Variants in MICALL1 observed in about 807,000 individuals in gnomAD.
MICALL1 encodes MICAL like 1.
In MICALL1, 61 loss-of-function variants were observed where a neutral mutation model predicts 83.7. The observed-to-expected ratio is 0.73, with a 90% confidence interval of 0.59 to 0.90. The LOEUF (loss-of-function observed/expected upper bound fraction) is 0.90, where lower values mean the gene tolerates loss of function less well. MICALL1 is among the 40% of genes least tolerant of loss of function. MICALL1 has a pLI of 0.00. For missense variants in MICALL1, 1,066 were observed against 1,152.0 expected (o/e 0.93, Z 1.08); for synonymous variants, 481 against 473.6 (o/e 1.02, Z -0.20).
At chr22:37,925,291 G>A (rs1929350282) in intron 7 of MICALL1, among the ~76,000 whole-genome samples, 2 of 152,152 alleles carry the variant, frequency 1.3e-5, no homozygotes, top group Admixed American at 1.3e-4. Context: ...ATAGCTCACT[G>A]CATCCTTACA....
At chr22:37,917,397 G>A (rs1390255287) in intron 3 of MICALL1, among the ~76,000 whole-genome samples, 1 of 152,198 alleles carries the variant, frequency 6.6e-6, no homozygotes, top group Non-Finnish European at 1.5e-5. Context: ...AGCTGCTGGT[G>A]TAGCCACACG....
Position 37,925,817 on chromosome 22 carries a change from G to T in MICALL1, c.1239G>T (p.Pro413=), listed in dbSNP as rs760462241. The change falls in exon 8 of 16, where the codon CCG becomes CCT. Residue 413 remains proline, a synonymous_variant. Coordinates refer to ENST00000215957, the MANE Select transcript of MICALL1 (RefSeq NM_033386.4). ...ENGGTEEVAQ[P]SPTASLESKP... is the part of the protein sequence containing the mutation. The stretch of plus-strand genomic sequence containing the variant: ...GAGGCACCGAGGAGGTGGCCCAGCC[G>T]AGCCCAACGGCCAGCCTGGAGTCCA... 15 of 1,613,796 alleles carry T rather than the reference G, an allele frequency of 9.3e-6. No homozygotes were observed. Among genetic ancestry groups the T allele is most frequent in the Non-Finnish European group, 1.2e-5 (14 of 1,179,988 alleles).
Position 37,931,801 on chromosome 22 carries a change from C to G in MICALL1, c.1884C>G (p.Ser628=), listed in dbSNP as rs756210602. Residue 628 remains serine, a splice_region_variant and synonymous_variant, in exon 10 of 16, where the codon TCC becomes TCG. Transcript: ENST00000215957. ...GSSSPQLQVK[S]SCKENPFNRK... Reference sequence around the variant, plus strand: ...CTGTCATGTCTCCTTCCCTTTAGTCCTCCTGCAAGGAGAATCCTTTTAACC... The same window carrying G: ...CTGTCATGTCTCCTTCCCTTTAGTCGTCCTGCAAGGAGAATCCTTTTAACC... 1 of 1,614,086 alleles carries G rather than the reference C, an allele frequency of 6.2e-7. No homozygotes were observed. The highest frequency in any genetic ancestry group is 8.5e-7 in the Non-Finnish European group (1 of 1,180,010).
rs1929550638 is a variant in MICALL1, at chr22:37,927,696, G to C, written c.1751G>C (p.Arg584Thr). The change falls in exon 9 of 16, where the codon AGG (arginine) becomes ACG (threonine). Residue 584 changes from arginine to threonine, a missense_variant. By Grantham distance (71) the Arg-to-Thr change is moderately conservative (BLOSUM62 -1). Coordinates refer to ENST00000215957, the MANE Select transcript of MICALL1 (RefSeq NM_033386.4). ...MPQASPGLAP[R>T]TRGSSGPQPA... is the part of the protein sequence containing the mutation. ...CAAGCCAGCCCTGGCCTTGCCCCCA[G>C]GACCAGGGGCAGCTCAGGTCCCCAG... 1.2e-6 allele frequency: 2 copies of C among 1,614,114 alleles called. No individual in the cohort carries two copies. Among genetic ancestry groups the C allele is most frequent in the Non-Finnish European group, 1.7e-6 (2 of 1,180,024 alleles).
chr22:37,908,471 G>GT lies in MICALL1; in HGVS notation c.146+1906dup, dbSNP rs1402858250. ...ACACGCCACCACGCCTGTCTAATTT[G>GT]TTTGTATTTGTAGAGATGGGTTTTC... is the stretch of plus-strand genomic sequence containing the variant. On this transcript the variant is annotated intron_variant, in intron 1 of 15. Coordinates refer to ENST00000215957, the MANE Select transcript of MICALL1 (RefSeq NM_033386.4). Among the ~76,000 whole-genome samples, 11 of 151,790 alleles carry GT rather than the reference G, an allele frequency of 7.2e-5. No homozygotes were observed. The East Asian group carries it at 2.1e-3, about 29-fold the overall frequency.
intron 8 of MICALL1, 96 bp from the exon 9 acceptor site, chr22:37,927,315 G>A: frequency 7.3e-7 from 1 of 1,362,884 alleles, no homozygotes; most frequent in Non-Finnish European, 9.7e-7. Context: ...GGTTTCTGGG[G>A]CTGCCTGCGG....
chr22:37,924,458 G>A lies in MICALL1; in HGVS notation c.1025-202G>A, dbSNP rs1434086896. 2.6e-5 allele frequency among the ~76,000 whole-genome samples: 4 copies of A among 152,288 alleles called. No individual in the cohort carries two copies. Among genetic ancestry groups the A allele is most frequent in the Admixed American group, 2.0e-4 (3 of 15,302 alleles). On this transcript the variant is annotated intron_variant, in intron 6 of 15. Coordinates refer to ENST00000215957, the MANE Select transcript of MICALL1 (RefSeq NM_033386.4). This position sits in a 1 kb window ranked among gnomAD's most constrained non-coding sequence, Gnocchi z 5.2. Reference sequence around the variant, plus strand: ...TCTTCTCAAATGAAATGCAAACGGGGTCTCAGGTGGCCTGGCCTTGACCCC... The same window carrying A: ...TCTTCTCAAATGAAATGCAAACGGGATCTCAGGTGGCCTGGCCTTGACCCC...
chr22:37,937,652 G>C, intron 14 of MICALL1, 94 bp from the exon 15 acceptor site: 3 of 1,315,652 alleles, frequency 2.3e-6, no homozygotes, highest in African/African-American at 2.9e-5. Flanking sequence ...TCGAACTCCT[G>C]ACTTCAGGTG....
At chr22:37,914,128 G>A (rs1004819516) in intron 3 of MICALL1, among the ~76,000 whole-genome samples, 4 of 151,016 alleles carry the variant, frequency 2.6e-5, no homozygotes, top group Admixed American at 6.6e-5. Flanking sequence ...CACCTGCCTC[G>A]GCCTCCCAAA....
chr22:37,937,487 A>G (rs1225960106), intron 14 of MICALL1, among the ~76,000 whole-genome samples: 1 of 145,426 alleles, frequency 6.9e-6, no homozygotes, highest in Non-Finnish European at 1.5e-5. Context: ...GCAATGGCAT[A>G]ACCTCGGCTC....
At position 37,917,019 on chromosome 22, in the gene MICALL1, G is replaced by T. The variant is rs1276384563; in HGVS notation, c.338-688G>T. ...GCTGAGTGGCTGTGATTATAGGCGCGCACCACCATGTCCAGCTGATTTTTG... is the reference window on the plus strand; with the variant it reads ...GCTGAGTGGCTGTGATTATAGGCGCTCACCACCATGTCCAGCTGATTTTTG... On this transcript the variant is annotated intron_variant, in intron 3 of 15. Transcript: ENST00000215957. 2.6e-5 allele frequency among the ~76,000 whole-genome samples: 4 copies of T among 152,022 alleles called. No individual in the cohort carries two copies. In the East Asian group the frequency reaches 7.7e-4, roughly 29 times the overall value.
chr22:37,937,610 G>A (rs1483174859), intron 14 of MICALL1, 136 bp from the exon 15 acceptor site: 2 of 784,890 alleles, frequency 2.5e-6, no homozygotes, highest in African/African-American at 1.7e-5. Context: ...TTTTAGTAGA[G>A]ATGGGGTTTC....
In MICALL1 at chr22:37,906,483, G is replaced by A; in HGVS notation, c.61G>A (p.Gly21Ser). 1 of 1,251,768 alleles carries A rather than the reference G, an allele frequency of 8.0e-7. No individual in the cohort carries two copies. Among genetic ancestry groups the A allele is most frequent in the Non-Finnish European group, 1.0e-6 (1 of 987,160 alleles). 77.5% of individuals were successfully genotyped at this position (1,251,768 alleles called of 1,614,324 possible). The change falls in exon 1 of 16, where the codon GGC (glycine) becomes AGC (serine). Residue 21 changes from glycine to serine, a missense_variant. Coordinates refer to ENST00000215957, the MANE Select transcript of MICALL1 (RefSeq NM_033386.4). The surrounding 1 kb of genome is among the most constrained non-coding windows in gnomAD (Gnocchi z 4.4). ...WCRRQCEGYR[G>S]VEIRDLSSSF... ...CCGCCGCCAGTGCGAGGGCTACCGC[G>A]GCGTGGAGATCCGCGACCTGAGCAG... is the stretch of plus-strand genomic sequence containing the variant.
At chr22:37,926,109 G>C in intron 8 of MICALL1, 66 bp downstream of exon 8, 3 of 1,490,164 alleles carry the variant, frequency 2.0e-6, no homozygotes, top group South Asian at 2.7e-5. Flanking sequence ...GCCTGGGGAG[G>C]GGGTGTGGTG....
At chr22:37,933,287 G>A (rs1230571943) in intron 13 of MICALL1, among the ~76,000 whole-genome samples, 175 bp downstream of exon 13, 2 of 152,144 alleles carry the variant, frequency 1.3e-5, no homozygotes, top group African/African-American at 2.4e-5. Flanking sequence ...GGGAGAGACT[G>A]TAACAGGCAG....
chr22:37,909,611 G>A lies in MICALL1; in HGVS notation c.147-2341G>A, dbSNP rs543634373. Reference sequence around the variant, plus strand: ...CTGACCTCGTGATCCACCTGCCTTGGCCTCCCAAAGTGCTGGGATTATAGG... The same window carrying A: ...CTGACCTCGTGATCCACCTGCCTTGACCTCCCAAAGTGCTGGGATTATAGG... On this transcript the variant is annotated intron_variant, in intron 1 of 15. Transcript: ENST00000215957. Among the ~76,000 whole-genome samples, 5 of 152,260 alleles carry A rather than the reference G, an allele frequency of 3.3e-5. No homozygotes were observed. The East Asian group carries it at 9.6e-4, about 29-fold the overall frequency.
At chr22:37,917,404 C>T (rs1385349846) in intron 3 of MICALL1, among the ~76,000 whole-genome samples, 1 of 152,198 alleles carries the variant, frequency 6.6e-6, no homozygotes, top group Non-Finnish European at 1.5e-5. Flanking sequence ...GGTGTAGCCA[C>T]ACGCGGGTGC....
At chr22:37,935,574 A>G (rs1930071770) in intron 13 of MICALL1, among the ~76,000 whole-genome samples, 1 of 150,964 alleles carries the variant, frequency 6.6e-6, no homozygotes, top group African/African-American at 2.4e-5. Flanking sequence ...TTTTTTTGAG[A>G]TGGAGTGTCA....
At position 37,942,519 on chromosome 22, in the gene MICALL1, T is replaced by G. The variant is rs1930482520; in HGVS notation, c.*1689T>G. On this transcript the variant is annotated 3_prime_UTR_variant, in exon 16 of 16. Transcript: ENST00000215957. ...AGCCTGAATTTTTTTTTTTTTTTTT[T>G]GAGACAGAGTCTCGCTCTGTCGCCC... The G allele has an allele frequency of 1.3e-5, 2 of 151,610 alleles. No homozygotes were observed. Among genetic ancestry groups the G allele is most frequent in the African/African-American group, 4.8e-5 (2 of 41,260 alleles). The allele number at this position is 151,610 out of a possible 1,614,324, so 9.4% of individuals were successfully genotyped here.
Sources: allele counts gnomAD v4.1 joint callset (sites outside exome capture counted in the v4.1 genomes callset), GRCh38; gene constraint gnomAD v4.1.1; non-coding constraint Gnocchi (gnomAD v3.1); transcripts MANE v1.5; gene names NCBI Gene and HGNC (gene_info 2026-07-23, HGNC 2026-07-21).